PTK2: variants seen among roughly 807,000 people sequenced by gnomAD.
PTK2 encodes the protein protein tyrosine kinase 2, also known as focal adhesion kinase 1.
A neutral mutation model predicts 150.1 loss-of-function variants in PTK2; 45 were observed. The observed-to-expected ratio is 0.30, with a 90% confidence interval of 0.24 to 0.38. The LOEUF is 0.38. Among genes scored for constraint, PTK2 ranks in the 10% least tolerant of loss-of-function variants. The probability of loss-of-function intolerance (pLI) is 1.00; values close to 1 mark genes in which losing one functional copy is unlikely to be tolerated. For synonymous variants in PTK2, 432 were observed against 449.2 expected (o/e 0.96, Z 0.48); for missense variants, 919 against 1,307.3 (o/e 0.70, Z 4.58).
chr8:140,910,789 C>G (rs1253204596), intron 2 of PTK2, among the ~76,000 whole-genome samples: 1 of 152,134 alleles, frequency 6.6e-6, no homozygotes, highest in Admixed American at 6.6e-5. Flanking sequence ...TCTCCAAAAC[C>G]ATCTGCCCCA....
Position 140,717,041 on chromosome 8 carries a change from A to G in PTK2, c.2142+557T>C, listed in dbSNP as rs529509887. Among the ~76,000 whole-genome samples, 7 of 152,300 alleles carry G rather than the reference A, an allele frequency of 4.6e-5. No individual in the cohort carries two copies. In the South Asian group the frequency reaches 1.5e-3, roughly 32 times the overall value. On this transcript the variant is annotated intron_variant, in intron 23 of 31. Transcript: ENST00000522684. Reference sequence around the variant, plus strand: ...TAAAGGATAAGAACATAAGCGGGCAAGTAAGGTCTAAGGATGCTGCCGGAA... The same window carrying G: ...TAAAGGATAAGAACATAAGCGGGCAGGTAAGGTCTAAGGATGCTGCCGGAA...
At position 140,923,210 on chromosome 8, in the gene PTK2, A is replaced by C. The variant is rs530600136; in HGVS notation, c.-33+2451T>G. On this transcript the variant is annotated intron_variant, in intron 2 of 31. Coordinates refer to ENST00000522684, the Ensembl canonical transcript of PTK2. The stretch of plus-strand genomic sequence containing the variant: ...CATAAATTCTCCAGGCCAGAGACCA[A>C]GGTGACTAAGTAGAGACCAGATTGA... Among the ~76,000 whole-genome samples the C allele has an allele frequency of 8.6e-4, 131 of 152,340 alleles. 2 individuals are homozygous for C. The South Asian group carries it at 0.026, about 30-fold the overall frequency.
At chr8:140,759,530 T>TAAAA (rs761643170) in intron 16 of PTK2, among the ~76,000 whole-genome samples, 641 of 57,918 alleles carry the variant, frequency 0.011, 22 homozygotes, top group African/African-American at 0.046. Context: ...GACCCTGTCC[T>TAAAA]AAAAAAAAAA....
intron 1 of PTK2, among the ~76,000 whole-genome samples, chr8:140,970,445 C>G (rs987561281): frequency 6.6e-6 from 1 of 152,260 alleles, no homozygotes; most frequent in Non-Finnish European, 1.5e-5. Context: ...TTCTCTATGT[C>G]AGTTCTTGGC....
chr8:140,804,868 T>G (rs1008049649), intron 10 of PTK2, among the ~76,000 whole-genome samples: 1 of 152,226 alleles, frequency 6.6e-6, no homozygotes, highest in African/African-American at 2.4e-5. Flanking sequence ...CCCAGGCTTC[T>G]CATAGCATGT....
intron 7 of PTK2, among the ~76,000 whole-genome samples, chr8:140,831,294 T>G (rs2100115224): frequency 6.6e-6 from 1 of 152,188 alleles, no homozygotes; most frequent in African/African-American, 2.4e-5. Flanking sequence ...ACTCGTGTGC[T>G]AGCAATGTGA....
chr8:140,819,865 G>C (rs1193842030), intron 8 of PTK2, among the ~76,000 whole-genome samples: 3 of 152,050 alleles, frequency 2.0e-5, no homozygotes, highest in Non-Finnish European at 1.5e-5. Context: ...ATGGAAATCT[G>C]CATAGCAGAG....
intron 22 of PTK2, among the ~76,000 whole-genome samples, chr8:140,724,786 A>C (rs13273943): frequency 0.4 from 61,075 of 152,126 alleles, 13,671 homozygotes; most frequent in Non-Finnish European, 0.51. Context: ...AAAACAAAAC[A>C]AAACCAAACA....
chr8:140,987,250 G>A (rs568660736), intron 1 of PTK2, among the ~76,000 whole-genome samples: 15 of 152,120 alleles, frequency 9.9e-5, no homozygotes, highest in East Asian at 1.9e-4. Context: ...ACACAATCTC[G>A]GCTGACTGCA....
At chr8:140,831,927 G>A (rs1365477533) in intron 7 of PTK2, among the ~76,000 whole-genome samples, 3 of 152,074 alleles carry the variant, frequency 2.0e-5, no homozygotes, top group East Asian at 1.9e-4. Flanking sequence ...CAATCACTAC[G>A]GAAAAGTAGC....
intron 4 of PTK2, among the ~76,000 whole-genome samples, chr8:140,878,392 G>A (rs2100146938): frequency 6.6e-6 from 1 of 152,140 alleles, no homozygotes; most frequent in Non-Finnish European, 1.5e-5. Flanking sequence ...TTGAGCCCAG[G>A]AGTTTGAGAT....
exon 23 of PTK2, chr8:140,717,669 T>C (rs750474201): frequency 1.2e-6 from 2 of 1,614,092 alleles, no homozygotes; most frequent in South Asian, 2.2e-5. Context: ...TCCATCCTCA[T>C]GCGCTCTTCT....
rs41272413 is a variant in PTK2 at position 140,921,069 on chromosome 8, G to A, written c.-33+4592C>T. 6,793 of 1,313,800 alleles carry A rather than the reference G, an allele frequency of 5.2e-3. 22 individuals carry two copies. The highest frequency in any genetic ancestry group is 5.8e-3 in the Non-Finnish European group (6,053 of 1,035,284). 81.4% of individuals were successfully genotyped at this position (1,313,800 alleles called of 1,614,324 possible). On this transcript the variant is annotated intron_variant, in intron 2 of 31. Coordinates refer to ENST00000522684, the Ensembl canonical transcript of PTK2. ...GCAAAATTTGGAAGGTGTTCCTTCT[G>A]TAATATTTTCCAGCAGCTTGAAGAA...
chr8:140,814,902 G>A (rs1406947221), intron 10 of PTK2, among the ~76,000 whole-genome samples: 2 of 151,904 alleles, frequency 1.3e-5, no homozygotes, highest in African/African-American at 2.4e-5. Flanking sequence ...AGCCTCCTGA[G>A]TAGCTGGGAC....
intron 1 of PTK2, among the ~76,000 whole-genome samples, chr8:140,945,998 A>G (rs1343386991): frequency 1.3e-5 from 2 of 152,068 alleles, no homozygotes; most frequent in African/African-American, 4.8e-5. Context: ...TTTTGCTGGT[A>G]CCACAGGTTT....
At chr8:140,912,883 T>C (rs1022536659) in intron 2 of PTK2, among the ~76,000 whole-genome samples, 10 of 151,942 alleles carry the variant, frequency 6.6e-5, no homozygotes, top group African/African-American at 1.2e-4. Flanking sequence ...GAGGCGGAGG[T>C]TGCAGTGAGC....
intron 2 of PTK2, among the ~76,000 whole-genome samples, chr8:140,906,560 C>A (rs1051308023): frequency 6.6e-6 from 1 of 151,936 alleles, no homozygotes; most frequent in Non-Finnish European, 1.5e-5. Flanking sequence ...ATAAGCCAGG[C>A]ACAGAAAGAC....
chr8:140,762,373 T>C, intron 15 of PTK2: 1 of 1,183,528 alleles, frequency 8.4e-7, no homozygotes. Flanking sequence ...GTTACCTTCA[T>C]CTATTCCATA....
exon 13 of PTK2, chr8:140,793,375 C>T (rs771095551): frequency 3.1e-6 from 5 of 1,609,324 alleles, no homozygotes; most frequent in Middle Eastern, 1.7e-4. Flanking sequence ...TGGCAAAGCC[C>T]GTTCACCTTC....
Sources: allele counts gnomAD v4.1 joint callset (sites outside exome capture counted in the v4.1 genomes callset), GRCh38; gene constraint gnomAD v4.1.1; transcripts MANE v1.5; gene names NCBI Gene and HGNC (gene_info 2026-07-23, HGNC 2026-07-21).